PNPT1: variants seen among roughly 807,000 people sequenced by gnomAD.
PNPT1 encodes the protein polyribonucleotide nucleotidyltransferase 1, mitochondrial.
A neutral mutation model predicts 119.5 loss-of-function variants in PNPT1; 53 were observed. That is an observed-to-expected ratio of 0.44 (90% CI 0.36 to 0.56). The LOEUF is 0.56. Among genes scored for constraint, PNPT1 ranks in the 20% least tolerant of loss-of-function variants. The pLI, the probability that PNPT1 is intolerant of heterozygous loss-of-function variation, is 0.00. For synonymous variants in PNPT1, 357 were observed against 322.1 expected (o/e 1.11, Z -1.16); for missense variants, 948 against 938.5 (o/e 1.01, Z -0.13).
At chr2:55,641,202 A>G (rs374991061) in intron 25 of PNPT1, among the ~76,000 whole-genome samples, 37 of 152,252 alleles carry the variant, frequency 2.4e-4, no homozygotes, top group African/African-American at 8.4e-4. Context: ...CCAACCTGGC[A>G]ACAGAGTGAG....
chr2:55,667,036 A>G lies in PNPT1; in HGVS notation c.1131T>C (p.Phe377=). The G allele has an allele frequency of 1.2e-6, 2 of 1,610,100 alleles. No homozygotes were observed. Among genetic ancestry groups the G allele is most frequent in the Non-Finnish European group, 1.7e-6 (2 of 1,178,598 alleles). The part of the protein sequence containing the change: ...LRNVSCEVDM[F]KTLHGSALFQ... ...ATAATGCTGATCCATGAAGGGTTTT[A>G]AACATATCTACCTCACAACTTACAT... Residue 377 remains phenylalanine (F), a synonymous_variant, in exon 13 of 28, where the codon TTT becomes TTC. Transcript: ENST00000447944.
At chr2:55,668,137 C>T (rs770950352) in intron 11 of PNPT1, among the ~76,000 whole-genome samples, 179 bp from the exon 12 acceptor site, 2 of 152,248 alleles carry the variant, frequency 1.3e-5, no homozygotes, top group Non-Finnish European at 2.9e-5. Context: ...AAATGTGACA[C>T]ATCAAGTACC....
At chr2:55,676,245 TAA>T (rs1697066837) in intron 8 of PNPT1, among the ~76,000 whole-genome samples, 1 of 100,394 alleles carries the variant, frequency 1.0e-5, no homozygotes, top group Non-Finnish European at 1.8e-5. Context: ...GGCGACAGAG[TAA>T]GACTCCATCT....
At chr2:55,652,129 T>G (rs182692506) in intron 18 of PNPT1, among the ~76,000 whole-genome samples, 1 of 152,288 alleles carries the variant, frequency 6.6e-6, no homozygotes, top group East Asian at 1.9e-4. Flanking sequence ...AGTTCAACAA[T>G]CACCCTTACA....
In PNPT1 at chr2:55,644,668, G is replaced by T; in HGVS notation, c.1875C>A (p.Gly625=). Residue 625 remains glycine (G), a synonymous_variant, in exon 23 of 28, where the codon GGC becomes GGA. Transcript: ENST00000447944. ...SKRAKFVGPG[G]YNLKKLQAET... ...CAGCCTGAAGTTTTTTTAAGTTATA[G>T]CCACCAGGTCCAACAAATTTTGCTC... 6.2e-7 allele frequency: 1 copy of T among 1,612,120 alleles called. No individual in the cohort carries two copies. Among genetic ancestry groups the T allele is most frequent in the Non-Finnish European group, 8.5e-7 (1 of 1,178,678 alleles).
At position 55,679,739 on chromosome 2, in the gene PNPT1, C is replaced by G. The variant is rs1226592011; in HGVS notation, c.622G>C (p.Glu208Gln). 2.5e-6 allele frequency: 4 copies of G among 1,612,670 alleles called. No homozygotes were observed. Among genetic ancestry groups the G allele is most frequent in the Non-Finnish European group, 3.4e-6 (4 of 1,179,282 alleles). ...AAATTTAAAGTACTAGAAGACATTT[C>G]TTTTCTTGTTGGGTTAACAACATAT... is the stretch of plus-strand genomic sequence containing the variant. The part of the protein sequence containing the change: ...GEYVVNPTRK[E>Q]MSSSTLNLVV... The change falls in exon 8 of 28, where the codon GAA becomes CAA. Residue 208 changes from glutamate (E) to glutamine (Q), a missense_variant. Coordinates refer to ENST00000447944, the MANE Select transcript of PNPT1 (RefSeq NM_033109.5).
rs1695606264 is a variant in PNPT1 at position 55,634,546 on chromosome 2, GCTT to G, written c.*1688_*1690del. The G allele has an allele frequency of 6.6e-6, 1 of 150,912 alleles. No homozygotes were observed. Among genetic ancestry groups the G allele is most frequent in the Non-Finnish European group, 1.5e-5 (1 of 67,926 alleles). 9.3% of individuals were successfully genotyped at this position (150,912 alleles called of 1,614,324 possible). On this transcript the variant is annotated 3_prime_UTR_variant, in exon 28 of 28. Transcript: ENST00000447944. ...CAAAGTGCTGGAATTACAGGCATGA[GCTT>G]CTGTGCCCACCATTTTTTTTTTTGA...
chr2:55,658,419 G>A (rs1696460033), intron 15 of PNPT1, among the ~76,000 whole-genome samples: 1 of 152,142 alleles, frequency 6.6e-6, no homozygotes, highest in Non-Finnish European at 1.5e-5. Flanking sequence ...GGCTTTTGAG[G>A]TGGCTGGCAA....
At chr2:55,689,301 A>G (rs1490487491) in intron 1 of PNPT1, among the ~76,000 whole-genome samples, 1 of 152,218 alleles carries the variant, frequency 6.6e-6, no homozygotes, top group Non-Finnish European at 1.5e-5. Context: ...GTCTCCAAAA[A>G]AGACATACAA....
rs35483599 is a variant in PNPT1, at chr2:55,680,425, TA to T, written c.565+286del. ...GTATATACTCTGATAATTTCCCAGT[TA>T]AAAAAAAAAAAAAAAAAGAAGTCCT... On this transcript the variant is annotated intron_variant, in intron 7 of 27. Transcript: ENST00000447944. Among the ~76,000 whole-genome samples the T allele has an allele frequency of 0.9, 119,090 of 132,162 alleles. 53,935 individuals are homozygous for T. Among genetic ancestry groups the T allele is most frequent in the African/African-American group, 0.95 (33,298 of 35,046 alleles). 86.7% of individuals were successfully genotyped at this position (132,162 alleles called of 152,430 possible).
intron 26 of PNPT1, among the ~76,000 whole-genome samples, 169 bp from the exon 27 acceptor site, chr2:55,637,768 G>A (rs1162658965): frequency 2.0e-5 from 3 of 152,066 alleles, no homozygotes; most frequent in South Asian, 2.1e-4. Context: ...AGGCAGAAGC[G>A]GGCAGATCAA....
chr2:55,672,920 G>T lies in PNPT1; in HGVS notation c.839C>A (p.Ser280Ter). ...ATGAGTATATTTCACAATCTCTGGC[G>T]AAGGGGTAAATAACTTCTGAGGTGT... Reference protein sequence around the residue: ...KRTPQKLFTPSPEIVKYTHKL... With the variant: ...KRTPQKLFTP The change falls in exon 9 of 28, where the codon TCG becomes TAG. Residue 280 changes from serine to a stop codon, truncating the protein, a stop_gained. Transcript: ENST00000447944. LOFTEE classifies it high-confidence loss of function. 1 of 1,605,792 alleles carries T rather than the reference G, an allele frequency of 6.2e-7. No individual in the cohort carries two copies. Among genetic ancestry groups the T allele is most frequent in the Non-Finnish European group, 8.5e-7 (1 of 1,177,816 alleles).
chr2:55,650,413 G>C (rs1247421901), intron 18 of PNPT1, among the ~76,000 whole-genome samples: 2 of 152,216 alleles, frequency 1.3e-5, no homozygotes, highest in African/African-American at 2.4e-5. Context: ...CTGAGGTGCC[G>C]GGATTGCAGA....
At chr2:55,678,162 T>C (rs973091223) in intron 8 of PNPT1, among the ~76,000 whole-genome samples, 1 of 152,220 alleles carries the variant, frequency 6.6e-6, no homozygotes, top group African/African-American at 2.4e-5. Context: ...GAGACTAGTT[T>C]ACTAACAGCG....
chr2:55,655,898 T>C (rs1696368536), intron 17 of PNPT1, among the ~76,000 whole-genome samples: 2 of 152,228 alleles, frequency 1.3e-5, no homozygotes, highest in Admixed American at 1.3e-4. Flanking sequence ...CAAGCCAAAC[T>C]GGATCTACTA....
chr2:55,676,317 A>AGTT (rs1383681263), intron 8 of PNPT1, among the ~76,000 whole-genome samples: 10 of 151,480 alleles, frequency 6.6e-5, no homozygotes, highest in Non-Finnish European at 1.5e-4. Flanking sequence ...CCATTTTAGC[A>AGTT]GTTGAAGATG....
chr2:55,688,830 T>C (rs1164061603), intron 1 of PNPT1, among the ~76,000 whole-genome samples: 2 of 152,128 alleles, frequency 1.3e-5, no homozygotes, highest in Non-Finnish European at 2.9e-5. Flanking sequence ...ATATTGCCTA[T>C]AAGGACCTTC....
At chr2:55,686,489 T>C in intron 2 of PNPT1, 45 bp from the exon 3 acceptor site, 2 of 1,452,678 alleles carry the variant, frequency 1.4e-6, no homozygotes, top group Non-Finnish European at 1.9e-6. Flanking sequence ...TGAAATCAGA[T>C]ATTAGCATCT....
chr2:55,688,954 AAAATGGATCCTAGACCC>A (rs1167486018), intron 1 of PNPT1, among the ~76,000 whole-genome samples: 1 of 152,236 alleles, frequency 6.6e-6, no homozygotes, highest in Admixed American at 6.5e-5. Context: ...AAATTAAGTC[AAAATGGATCCTAGACCC>A]AAACGTAAGA....
Sources: allele counts gnomAD v4.1 joint callset (sites outside exome capture counted in the v4.1 genomes callset), GRCh38; gene constraint gnomAD v4.1.1; transcripts MANE v1.5; gene names NCBI Gene and HGNC (gene_info 2026-07-23, HGNC 2026-07-21).